SLC12A3: variants seen among roughly 807,000 people sequenced by gnomAD.
The protein encoded by SLC12A3 is solute carrier family 12 member 3.
In SLC12A3, 104 loss-of-function variants were observed where a neutral mutation model predicts 121.0. That is an observed-to-expected ratio of 0.86 (90% CI 0.73 to 1.01). The LOEUF (loss-of-function observed/expected upper bound fraction) is 1.01, where lower values mean the gene tolerates loss of function less well. Ranked by LOEUF, SLC12A3 falls within the 50% of genes least tolerant of loss-of-function variation. The pLI, the probability that SLC12A3 is intolerant of heterozygous loss-of-function variation, is 0.00. For synonymous variants in SLC12A3, 536 were observed against 533.4 expected (o/e 1.00, Z -0.07); for missense variants, 1,328 against 1,356.3 (o/e 0.98, Z 0.33).
rs1447974519 is a variant in SLC12A3, at chr16:56,882,305, TG to T, written c.1568-87del. 2.9e-6 allele frequency: 3 copies of T among 1,031,150 alleles called. No individual in the cohort carries two copies. The East Asian group carries it at 7.1e-5, about 24-fold the overall frequency. 63.9% of individuals were successfully genotyped at this position (1,031,150 alleles called of 1,614,324 possible). A position where few individuals can be genotyped will look rare whatever the true frequency, so the allele number is the denominator to read the frequency against. On this transcript the variant is annotated intron_variant, in intron 12 of 25. Transcript: ENST00000563236. ...ACTGACTGAGCCTTGGTGGCCTGTC[TG>T]GGGTCCCCCACCCTGGGAAGGAGGG...
chr16:56,890,111 A>G (rs2055368263), intron 18 of SLC12A3, among the ~76,000 whole-genome samples, 163 bp from the exon 19 acceptor site: 1 of 152,178 alleles, frequency 6.6e-6, no homozygotes. Flanking sequence ...GGTACTCTCC[A>G]ATTCTGCCTG....
chr16:56,908,893 G>A (rs888124081), intron 25 of SLC12A3, among the ~76,000 whole-genome samples: 1 of 152,248 alleles, frequency 6.6e-6, no homozygotes, highest in Admixed American at 6.5e-5. Flanking sequence ...TGGGTATGGT[G>A]CCTGGTGGGT....
At chr16:56,905,222 C>T (rs1423025427) in intron 25 of SLC12A3, among the ~76,000 whole-genome samples, 6 of 151,434 alleles carry the variant, frequency 4.0e-5, no homozygotes, top group Non-Finnish European at 7.4e-5. Context: ...ACCTGTAATC[C>T]CAGCTACTCG....
At chr16:56,908,541 A>G (rs2055640366) in intron 25 of SLC12A3, among the ~76,000 whole-genome samples, 1 of 152,204 alleles carries the variant, frequency 6.6e-6, no homozygotes, top group Non-Finnish European at 1.5e-5. Context: ...AAAAGAAAAA[A>G]AGAAGAATGT....
Position 56,894,533 on chromosome 16 carries a change from C to T in SLC12A3, c.2524C>T (p.Leu842Phe). 6.2e-7 allele frequency: 1 copy of T among 1,612,346 alleles called. No individual in the cohort carries two copies. The change falls in exon 22 of 26, where the codon CTC becomes TTC. Residue 842 changes from leucine (L) to phenylalanine (F), a missense_variant and splice_region_variant. Transcript: ENST00000563236. ...DIYWLFDDGG[L>F]TLLIPYLLGR... is the part of the protein sequence containing the mutation. ...CTCACGGGGACTCTCCTTGCCAGGC[C>T]TCACCCTCCTCATTCCCTATCTCCT...
At chr16:56,887,796 ATATTT>A (rs1212100867) in intron 17 of SLC12A3, 124 bp from the exon 18 acceptor site, 117 of 87,136 alleles carry the variant, frequency 1.3e-3, no homozygotes, top group Non-Finnish European at 2.2e-3. Flanking sequence ...ATATATATAT[ATATTT>A]TTTTTTTTTT....
At chr16:56,901,254 C>G (rs1206544637) in intron 23 of SLC12A3, among the ~76,000 whole-genome samples, 1 of 152,078 alleles carries the variant, frequency 6.6e-6, no homozygotes, top group African/African-American at 2.4e-5. Context: ...CTTTTCCCTT[C>G]TCTCCATTTA....
At chr16:56,887,191 G>T in intron 17 of SLC12A3, 98 bp downstream of exon 17, 2 of 1,510,522 alleles carry the variant, frequency 1.3e-6, no homozygotes, top group Non-Finnish European at 1.8e-6. Flanking sequence ...AGCCCCTTTT[G>T]CTGCAGAAGG....
intron 2 of SLC12A3, 143 bp from the exon 3 acceptor site, chr16:56,868,154 G>T: frequency 1.3e-6 from 1 of 758,202 alleles, no homozygotes; most frequent in South Asian, 1.5e-5. Flanking sequence ...ACCAGACTCG[G>T]AACCTACTGA....
At position 56,902,412 on chromosome 16, in the gene SLC12A3, G is replaced by GA; in HGVS notation, c.2762dup (p.Asn921LysfsTer2). 6.3e-7 allele frequency: 1 copy of GA among 1,584,302 alleles called. No homozygotes were observed. The highest frequency in any genetic ancestry group is 8.6e-7 in the Non-Finnish European group (1 of 1,160,834). On this transcript the variant is annotated frameshift_variant, in exon 24 of 26. Transcript: ENST00000563236. LOFTEE classifies it high-confidence loss of function. Reference sequence around the variant, plus strand: ...AGGACATGATTGCACCCTTCCGTCTGAATGATGGCTTCAAGGATGAGGCCA... The same window carrying GA: ...AGGACATGATTGCACCCTTCCGTCTGAAATGATGGCTTCAAGGATGAGGCCA...
intron 22 of SLC12A3, among the ~76,000 whole-genome samples, chr16:56,895,017 G>GA (rs200092896): frequency 2.0e-3 from 287 of 142,364 alleles, no homozygotes; most frequent in South Asian, 4.0e-3. Context: ...AAGAAAAATA[G>GA]AAAAAAAAAA....
chr16:56,897,058 C>T (rs147006046), intron 22 of SLC12A3, among the ~76,000 whole-genome samples: 1,578 of 151,400 alleles, frequency 0.01, 29 homozygotes, highest in African/African-American at 0.036. Flanking sequence ...TGCCACTGTA[C>T]TCCAGCCTGG....
intron 14 of SLC12A3, among the ~76,000 whole-genome samples, chr16:56,884,747 G>A (rs986332138): frequency 1.3e-5 from 2 of 152,166 alleles, no homozygotes; most frequent in African/African-American, 4.8e-5. Context: ...AGGATATCGT[G>A]TGGAGCTTGA....
intron 20 of SLC12A3, among the ~76,000 whole-genome samples, 189 bp from the exon 21 acceptor site, chr16:56,892,764 C>T (rs1282854671): frequency 6.6e-6 from 1 of 152,186 alleles, no homozygotes; most frequent in African/African-American, 2.4e-5. Flanking sequence ...TCACCAGAAT[C>T]CCGGGAGAGA....
At chr16:56,867,369 A>AACTCCTGCCGG (rs1964382425) in intron 2 of SLC12A3, among the ~76,000 whole-genome samples, 153 bp downstream of exon 2, 1 of 152,116 alleles carries the variant, frequency 6.6e-6, no homozygotes, top group East Asian at 1.9e-4. Flanking sequence ...AATAGACAAT[A>AACTCCTGCCGG]GATTAAAGCC....
Position 56,867,115 on chromosome 16 carries a change from AG to A in SLC12A3, c.329del (p.Ser110ThrfsTer4), listed in dbSNP as rs1294865855. ...LHALAFDSRP[S>X]HEMTDGLVEG... ...TGCCCTGGCCTTTGACAGCCGGCCC[AG>A]CCACGAGATGACTGATGGGCTGGTG... On this transcript the variant is annotated frameshift_variant, in exon 2 of 26. Coordinates refer to ENST00000563236, the MANE Select transcript of SLC12A3 (RefSeq NM_001126108.2). LOFTEE classifies it high-confidence loss of function. The A allele has an allele frequency of 1.9e-6, 3 of 1,614,058 alleles. No individual in the cohort carries two copies. The highest frequency in any genetic ancestry group is 2.5e-6 in the Non-Finnish European group (3 of 1,180,030).
Position 56,913,694 on chromosome 16 carries a change from G to C in SLC12A3, c.*289G>C. On this transcript the variant is annotated 3_prime_UTR_variant, in exon 26 of 26. Coordinates refer to ENST00000563236, the MANE Select transcript of SLC12A3 (RefSeq NM_001126108.2). ...TTAAAGGATTTCTTTTGATTTTGAT[G>C]ACCATTAATTAAGAGTTCAGTCTTT... 1 of 445,930 alleles carries C rather than the reference G, an allele frequency of 2.2e-6. No homozygotes were observed. The highest frequency in any genetic ancestry group is 4.2e-6 in the Non-Finnish European group (1 of 240,952). 27.6% of individuals were successfully genotyped at this position (445,930 alleles called of 1,614,324 possible).
chr16:56,877,945 T>C, intron 8 of SLC12A3, 132 bp from the exon 9 acceptor site: 2 of 631,600 alleles, frequency 3.2e-6, no homozygotes, highest in Admixed American at 5.0e-5. Context: ...AGGTCAGAGG[T>C]TGCTGCCCCC....
At chr16:56,886,276 A>G in intron 15 of SLC12A3, 88 bp from the exon 16 acceptor site, 1 of 935,756 alleles carries the variant, frequency 1.1e-6, no homozygotes, top group Non-Finnish European at 1.7e-6. Flanking sequence ...CCACACCACC[A>G]TTCAGGGAGC....
Sources: gnomAD v4.1 joint callset for allele counts (sites outside exome capture counted in the v4.1 genomes callset) on GRCh38, gnomAD v4.1.1 for gene constraint, MANE v1.5 for transcripts, NCBI Gene and HGNC (gene_info 2026-07-23, HGNC 2026-07-21) for gene names.